Variants in SMG6 observed in about 807,000 individuals in gnomAD.
SMG6 encodes telomerase-binding protein EST1A.
A neutral mutation model predicts 142.2 loss-of-function variants in SMG6; 66 were observed. The observed-to-expected ratio is 0.46, with a 90% CI of 0.38 to 0.57. The LOEUF (loss-of-function observed/expected upper bound fraction) is 0.57, where lower values mean the gene tolerates loss of function less well. SMG6 is among the 20% of genes least tolerant of loss of function. SMG6 has a pLI of 0.00. For synonymous variants in SMG6, 779 were observed against 702.4 expected (o/e 1.11, Z -1.72); for missense variants, 1,793 against 1,832.0 (o/e 0.98, Z 0.39).
intron 13 of SMG6, among the ~76,000 whole-genome samples, chr17:2,100,244 G>A (rs1043110542): frequency 6.6e-6 from 1 of 152,108 alleles, no homozygotes; most frequent in Non-Finnish European, 1.5e-5. Flanking sequence ...TGCCATGTTG[G>A]CCAGGCTAGT....
At chr17:2,232,376 A>G (rs757302493) in intron 10 of SMG6, among the ~76,000 whole-genome samples, 1 of 152,224 alleles carries the variant, frequency 6.6e-6, no homozygotes, top group Non-Finnish European at 1.5e-5. Context: ...CTTCAGGCTC[A>G]GGAATGCCTT....
intron 9 of SMG6, among the ~76,000 whole-genome samples, chr17:2,240,734 G>A (rs540261690): frequency 2.6e-5 from 4 of 152,342 alleles, no homozygotes; most frequent in South Asian, 2.1e-4. Context: ...GTAGGCATTC[G>A]AGTCTCTGCT....
chr17:2,120,943 A>G (rs933974783), intron 13 of SMG6, among the ~76,000 whole-genome samples: 3 of 152,200 alleles, frequency 2.0e-5, no homozygotes, highest in African/African-American at 7.2e-5. Context: ...CGCGTAAAAT[A>G]TAATAGCACC....
Position 2,282,845 on chromosome 17 carries a change from T to C in SMG6, c.2463A>G (p.Glu821=). ...EETKRKAEQM[E]KKQHEEFDLS... ...GGTCAAATTCCTCATGTTGCTTCTT[T>C]TCCATCTGTTCTGCCTATATAACAT... is the stretch of plus-strand genomic sequence containing the variant. Residue 821 remains glutamate (E), a synonymous_variant, in exon 8 of 19, where the codon GAA becomes GAG. Transcript: ENST00000263073. 2 of 1,614,144 alleles carry C rather than the reference T, an allele frequency of 1.2e-6. No individual in the cohort carries two copies. Among genetic ancestry groups the C allele is most frequent in the East Asian group, 2.2e-5 (1 of 44,886 alleles).
intron 8 of SMG6, among the ~76,000 whole-genome samples, chr17:2,261,688 C>A (rs2074318580): frequency 6.6e-6 from 1 of 152,122 alleles, no homozygotes; most frequent in African/African-American, 2.4e-5. Context: ...TATGCTATAT[C>A]CCCAGTGTAC....
intron 13 of SMG6, among the ~76,000 whole-genome samples, chr17:2,090,561 C>T (rs1262768403): frequency 6.6e-6 from 1 of 152,192 alleles, no homozygotes; most frequent in Non-Finnish European, 1.5e-5. Flanking sequence ...CCCGTTTTCT[C>T]CAAACAGGCT....
chr17:2,271,254 C>T (rs1221489659), intron 8 of SMG6, among the ~76,000 whole-genome samples: 1 of 151,624 alleles, frequency 6.6e-6, no homozygotes, highest in Non-Finnish European at 1.5e-5. Flanking sequence ...CTATGCCCGG[C>T]TAATTTTTGT....
In SMG6 at chr17:2,198,577, G is replaced by A. The variant is rs1182566370; in HGVS notation, c.2870-10062C>T. 3.9e-5 allele frequency among the ~76,000 whole-genome samples: 6 copies of A among 152,158 alleles called. No homozygotes were observed. In the South Asian group the frequency reaches 1.0e-3, roughly 26 times the overall value. ...TATATACTAAAGCTATGCAAGACAT[G>A]AAAAATGGGGAAGGACGGGTGAAGG... On this transcript the variant is annotated intron_variant, in intron 10 of 18. Transcript: ENST00000263073.
At chr17:2,087,378 GCT>G in intron 13 of SMG6, 1 of 1,191,192 alleles carries the variant, frequency 8.4e-7, no homozygotes, top group African/African-American at 1.6e-5. Flanking sequence ...TCAACTGTGT[GCT>G]CTGTGGCTGC....
rs1344770342 is a variant in SMG6 at position 2,303,352 on chromosome 17, G to A, written c.88+281C>T. On this transcript the variant is annotated intron_variant, in intron 1 of 18. Coordinates refer to ENST00000263073, the MANE Select transcript of SMG6 (RefSeq NM_017575.5). ...CTGGGAATCCGGGGCGGGTCTGAGA[G>A]GGCTGGGGCAAAAGGAACAGTCACC... The A allele has an allele frequency of 7.5e-6, 9 of 1,197,370 alleles. No homozygotes were observed. In the Admixed American group the frequency reaches 2.2e-4, roughly 30 times the overall value. The allele number at this position is 1,197,370 out of a possible 1,614,324, so 74.2% of individuals were successfully genotyped here.
chr17:2,260,015 T>C (rs2074277612), intron 8 of SMG6, among the ~76,000 whole-genome samples: 1 of 152,186 alleles, frequency 6.6e-6, no homozygotes, highest in Admixed American at 6.5e-5. Context: ...AAGGGAAGGA[T>C]TCTGGCGCAT....
intron 13 of SMG6, among the ~76,000 whole-genome samples, chr17:2,136,234 T>A (rs1421534570): frequency 1.3e-5 from 2 of 151,724 alleles, no homozygotes; most frequent in Non-Finnish European, 2.9e-5. Context: ...CTAATTTTTG[T>A]ATTTTTAGCA....
At chr17:2,158,902 A>C (rs1212573428) in intron 13 of SMG6, among the ~76,000 whole-genome samples, 1 of 147,374 alleles carries the variant, frequency 6.8e-6, no homozygotes, top group Admixed American at 6.8e-5. Context: ...ACTATGTTTA[A>C]AAAAAAAAAA....
In SMG6 at chr17:2,300,517, A is replaced by C; in HGVS notation, c.236T>G (p.Val79Gly). ...AACAGCAGAGCAATCTCGGTCATTA[A>C]CAATTTCATCTTTGAATTCCTCACT... is the stretch of plus-strand genomic sequence containing the variant. ...PGSEEFKDEI[V>G]NDRDCSAVEN... The change falls in exon 2 of 19, where the codon GTT (valine) becomes GGT (glycine). Residue 79 changes from valine (V) to glycine (G), a missense_variant. Val to Gly is a moderately radical substitution (Grantham distance 109). Transcript: ENST00000263073. 6.2e-7 allele frequency: 1 copy of C among 1,614,148 alleles called. No individual in the cohort carries two copies. Among genetic ancestry groups the C allele is most frequent in the Non-Finnish European group, 8.5e-7 (1 of 1,179,994 alleles).
intron 10 of SMG6, among the ~76,000 whole-genome samples, chr17:2,221,320 T>C (rs2073163661): frequency 6.6e-6 from 1 of 152,106 alleles, no homozygotes; most frequent in South Asian, 2.1e-4. Flanking sequence ...GGACATCTGG[T>C]TGTTTTAAAG....
intron 13 of SMG6, chr17:2,101,669 C>T (rs140826432): frequency 6.6e-6 from 1 of 152,328 alleles, no homozygotes; most frequent in Non-Finnish European, 1.5e-5. Flanking sequence ...TTCGCAGCCA[C>T]AGCGAACACC....
At chr17:2,086,346 AAGG>A (rs1254361066) in intron 13 of SMG6, among the ~76,000 whole-genome samples, 1 of 152,098 alleles carries the variant, frequency 6.6e-6, no homozygotes, top group Non-Finnish European at 1.5e-5. Flanking sequence ...AGACTCCCAA[AAGG>A]AGAATTTTCA....
chr17:2,093,653 C>T (rs914792876), intron 13 of SMG6, among the ~76,000 whole-genome samples: 26 of 152,036 alleles, frequency 1.7e-4, no homozygotes, highest in African/African-American at 6.3e-4. Context: ...GGGAGAGGCC[C>T]TGGAATGCTT....
chr17:2,106,523 G>A (rs534075954), intron 13 of SMG6, among the ~76,000 whole-genome samples: 1 of 152,304 alleles, frequency 6.6e-6, no homozygotes, highest in African/African-American at 2.4e-5. Context: ...GGGCAAGAAG[G>A]AAGGGAAAGA....
Sources: gnomAD v4.1 joint callset for allele counts (sites outside exome capture counted in the v4.1 genomes callset) on GRCh38, gnomAD v4.1.1 for gene constraint, MANE v1.5 for transcripts, NCBI Gene and HGNC (gene_info 2026-07-23, HGNC 2026-07-21) for gene names.